The following GPATCH8 variants were observed in gnomAD, a reference collection of about 807,000 sequenced individuals.
GPATCH8 encodes the protein G patch domain-containing protein 8.
Under a neutral mutation model 118.3 loss-of-function variants are expected in GPATCH8, and 18 were observed. That is an observed-to-expected ratio of 0.15 (90% CI 0.11 to 0.23). The LOEUF is 0.23. Ranked by LOEUF, GPATCH8 falls within the 10% of genes least tolerant of loss-of-function variation. The pLI is 1.00. For synonymous variants in GPATCH8, 659 were observed against 684.7 expected (o/e 0.96, Z 0.59); for missense variants, 1,631 against 1,873.8 (o/e 0.87, Z 2.39).
chr17:44,398,731 G>A lies in GPATCH8; in HGVS notation c.3346C>T (p.Pro1116Ser). 6.2e-7 allele frequency: 1 copy of A among 1,610,974 alleles called. No homozygotes were observed. Among genetic ancestry groups the A allele is most frequent in the South Asian group, 1.1e-5 (1 of 90,852 alleles). Residue 1116 changes from proline to serine, a missense_variant, in exon 8 of 8, where the codon CCT becomes TCT. Around this residue, in one of 8 missense-constraint regions of GPATCH8, gnomAD observed 922 missense variants for 879.7 expected, o/e 1.05. Coordinates refer to ENST00000591680, the MANE Select transcript of GPATCH8 (RefSeq NM_001002909.4). Reference protein sequence around the residue: ...PSVSEEVQATPNKAGPKLKDP... With the variant: ...PSVSEEVQATSNKAGPKLKDP... ...TTGAGCTTGGGCCCAGCTTTATTAG[G>A]GGTGGCCTGCACCTCCTCACTCACA...
At chr17:44,483,917 C>A (rs540003892) in intron 1 of GPATCH8, among the ~76,000 whole-genome samples, 1 of 152,238 alleles carries the variant, frequency 6.6e-6, no homozygotes, top group Admixed American at 6.5e-5. Context: ...TCTCAGCTCA[C>A]TGCAACCTCC....
chr17:44,453,840 A>C (rs1341306340), intron 3 of GPATCH8, among the ~76,000 whole-genome samples: 1 of 151,980 alleles, frequency 6.6e-6, no homozygotes, highest in African/African-American at 2.4e-5. Context: ...GCCTAGTTAC[A>C]GTTTTTAAAC....
intron 6 of GPATCH8, among the ~76,000 whole-genome samples, chr17:44,407,574 G>C (rs1343615599): frequency 2.0e-5 from 3 of 152,014 alleles, no homozygotes; most frequent in Admixed American, 1.3e-4. Context: ...GTATTAAAAA[G>C]CAGTCCTGTT....
At chr17:44,423,688 C>T (rs1370035383) in intron 6 of GPATCH8, among the ~76,000 whole-genome samples, 1 of 152,020 alleles carries the variant, frequency 6.6e-6, no homozygotes, top group Non-Finnish European at 1.5e-5. Flanking sequence ...CTAAACTCTC[C>T]CAGGGGGATT....
rs1968499272 is a variant in GPATCH8, at chr17:44,483,430, T to C, written c.46-8527A>G. On this transcript the variant is annotated intron_variant, in intron 1 of 7. Transcript: ENST00000591680. ...CACACCTGGCTAATTTTTGTATTTT[T>C]AGTAGAGATGGGGTTTCACCATATT... Among the ~76,000 whole-genome samples, 4 of 149,434 alleles carry C rather than the reference T, an allele frequency of 2.7e-5. No homozygotes were observed. The South Asian group carries it at 8.6e-4, about 32-fold the overall frequency.
intron 3 of GPATCH8, among the ~76,000 whole-genome samples, chr17:44,452,827 C>CT (rs34935678): frequency 0.18 from 25,869 of 146,014 alleles, 2,265 homozygotes; most frequent in Admixed American, 0.21. Context: ...TCTTCAATAT[C>CT]TTTTTTTTTT....
intron 2 of GPATCH8, 166 bp downstream of exon 2, chr17:44,474,663 T>C: frequency 1.4e-6 from 1 of 694,314 alleles, no homozygotes; most frequent in Non-Finnish European, 2.6e-6. Context: ...ATATTAAATA[T>C]TAGATTACAT....
chr17:44,502,932 T>C (rs1394765115), intron 1 of GPATCH8, among the ~76,000 whole-genome samples: 1 of 152,190 alleles, frequency 6.6e-6, no homozygotes, highest in Non-Finnish European at 1.5e-5. Flanking sequence ...TTCGGAAGCC[T>C]TGGCCTCAGC....
In GPATCH8 at chr17:44,437,041, T is replaced by C. The variant is rs572281762; in HGVS notation, c.194-496A>G. On this transcript the variant is annotated intron_variant, in intron 3 of 7. Transcript: ENST00000591680. The stretch of plus-strand genomic sequence containing the variant: ...TATAATTACAACTCAGTATGTTGAA[T>C]TTGTTTTCAAAAGATGCTTTACAAT... Among the ~76,000 whole-genome samples, 15 of 152,354 alleles carry C rather than the reference T, an allele frequency of 9.8e-5. No individual in the cohort carries two copies. The East Asian group carries it at 2.9e-3, about 29-fold the overall frequency.
chr17:44,414,129 G>A lies in GPATCH8; in HGVS notation c.493-8078C>T, dbSNP rs2338031. Among the ~76,000 whole-genome samples, 8 of 43,022 alleles carry A rather than the reference G, an allele frequency of 1.9e-4. No individual in the cohort carries two copies. The East Asian group carries it at 6.1e-3, about 33-fold the overall frequency. 28.2% of individuals were successfully genotyped at this position (43,022 alleles called of 152,430 possible). A position where few individuals can be genotyped will look rare whatever the true frequency, so the allele number is the denominator to read the frequency against. On this transcript the variant is annotated intron_variant, in intron 6 of 7. Coordinates refer to ENST00000591680, the MANE Select transcript of GPATCH8 (RefSeq NM_001002909.4). ...TGTATATATATATGTATATATATGT[G>A]TATATATATATATGTGTATATATAT...
chr17:44,424,186 G>A (rs1007439532), intron 6 of GPATCH8, among the ~76,000 whole-genome samples, 163 bp downstream of exon 6: 1 of 152,162 alleles, frequency 6.6e-6, no homozygotes, highest in African/African-American at 2.4e-5. Flanking sequence ...TCTATGTCAG[G>A]ATTTCTGCCA....
chr17:44,465,568 CACCCAA>C (rs762126625), intron 2 of GPATCH8: 13 of 152,178 alleles, frequency 8.5e-5, no homozygotes, highest in Non-Finnish European at 1.5e-4. Flanking sequence ...TGATCATATT[CACCCAA>C]TGGACAACAC....
chr17:44,407,656 GA>G (rs2049280814), intron 6 of GPATCH8, among the ~76,000 whole-genome samples: 2 of 131,550 alleles, frequency 1.5e-5, no homozygotes, highest in African/African-American at 5.3e-5. Flanking sequence ...CCATAATTAA[GA>G]TTTTTTTTTT....
At chr17:44,401,744 C>T (rs2049030009) in intron 7 of GPATCH8, among the ~76,000 whole-genome samples, 1 of 152,178 alleles carries the variant, frequency 6.6e-6, no homozygotes, top group African/African-American at 2.4e-5. Flanking sequence ...TGGCTCATGC[C>T]TGTAATCCCA....
Position 44,406,062 on chromosome 17 carries a change from A to T in GPATCH8, c.493-11T>A. 1 of 1,592,620 alleles carries T rather than the reference A, an allele frequency of 6.3e-7. No individual in the cohort carries two copies. ...CAGATCTTTTAATCTCTGGGTTAAA[A>T]GAAAGAAAGATACAGAGGGTGGATG... On this transcript the variant is annotated splice_polypyrimidine_tract_variant and intron_variant, in intron 6 of 7. Coordinates refer to ENST00000591680, the MANE Select transcript of GPATCH8 (RefSeq NM_001002909.4).
At chr17:44,496,160 G>A (rs1372586582) in intron 1 of GPATCH8, among the ~76,000 whole-genome samples, 3 of 152,166 alleles carry the variant, frequency 2.0e-5, no homozygotes, top group East Asian at 1.9e-4. Flanking sequence ...GTGAGCCACC[G>A]CGCCCAGCCT....
At chr17:44,492,315 C>T (rs1236258855) in intron 1 of GPATCH8, among the ~76,000 whole-genome samples, 2 of 101,980 alleles carry the variant, frequency 2.0e-5, no homozygotes, top group East Asian at 5.8e-4. Flanking sequence ...AAAAAAAAAG[C>T]GCCCGTAACC....
At chr17:44,487,410 A>G (rs1968867813) in intron 1 of GPATCH8, among the ~76,000 whole-genome samples, 1 of 152,160 alleles carries the variant, frequency 6.6e-6, no homozygotes, top group African/African-American at 2.4e-5. Context: ...CTACTGAAGG[A>G]TATCTGGACT....
intron 3 of GPATCH8, among the ~76,000 whole-genome samples, chr17:44,438,296 A>G (rs1350638963): frequency 6.6e-6 from 1 of 152,170 alleles, no homozygotes; most frequent in African/African-American, 2.4e-5. Flanking sequence ...GTACAAATTC[A>G]TTACCTCTGT....
Sources: allele counts gnomAD v4.1 joint callset (sites outside exome capture counted in the v4.1 genomes callset), GRCh38; gene constraint gnomAD v4.1.1; regional missense constraint gnomAD v4.1.1; transcripts MANE v1.5; gene names NCBI Gene and HGNC (gene_info 2026-07-23, HGNC 2026-07-21).